The following RIOK2 variants were observed in gnomAD, a reference collection of about 807,000 sequenced individuals.
RIOK2 encodes the protein serine/threonine-protein kinase RIO2.
In RIOK2, 46 loss-of-function variants were observed where a neutral mutation model predicts 62.4. The observed-to-expected ratio is 0.74, with a 90% CI of 0.58 to 0.94. RIOK2 has a LOEUF of 0.94. RIOK2 is among the 40% of genes least tolerant of loss of function. The probability of loss-of-function intolerance (pLI) is 0.00; values close to 1 mark genes in which losing one functional copy is unlikely to be tolerated. For synonymous variants in RIOK2, 197 were observed against 216.0 expected (o/e 0.91, Z 0.77); for missense variants, 574 against 658.0 (o/e 0.87, Z 1.40).
At chr5:97,173,646 T>C (rs1045059278) in intron 4 of RIOK2, among the ~76,000 whole-genome samples, 1 of 152,208 alleles carries the variant, frequency 6.6e-6, no homozygotes, top group Non-Finnish European at 1.5e-5. Flanking sequence ...CTGACATTTG[T>C]TGAAATGTGC....
intron 4 of RIOK2, among the ~76,000 whole-genome samples, chr5:97,174,040 A>G (rs1321271642): frequency 1.3e-5 from 2 of 152,228 alleles, no homozygotes; most frequent in Non-Finnish European, 2.9e-5. Context: ...TTACTCCACA[A>G]GTGTTCTAGC....
chr5:97,181,016 G>C (rs1654928252), intron 1 of RIOK2, among the ~76,000 whole-genome samples: 1 of 152,116 alleles, frequency 6.6e-6, no homozygotes, highest in Non-Finnish European at 1.5e-5. Context: ...GCTCACACCT[G>C]TAATCCCAGC....
At chr5:97,177,004 A>G (rs2112841631) in intron 4 of RIOK2, 112 bp downstream of exon 4, 2 of 866,104 alleles carry the variant, frequency 2.3e-6, no homozygotes, top group Non-Finnish European at 3.7e-6. Flanking sequence ...GTAGGAATTG[A>G]GTCTAAGGTT....
chr5:97,178,957 T>C (rs1341022905), intron 2 of RIOK2, 98 bp downstream of exon 2: 5 of 1,378,304 alleles, frequency 3.6e-6, no homozygotes, highest in Non-Finnish European at 4.1e-6. Flanking sequence ...TCTAATGCTT[T>C]ACTAGTCTGG....
chr5:97,176,798 T>C (rs1252026530), intron 4 of RIOK2, among the ~76,000 whole-genome samples: 1 of 152,242 alleles, frequency 6.6e-6, no homozygotes, highest in Non-Finnish European at 1.5e-5. Flanking sequence ...ATATATTGAA[T>C]AGATATATAT....
At chr5:97,172,891 A>G (rs1749056405) in intron 5 of RIOK2, among the ~76,000 whole-genome samples, 1 of 152,184 alleles carries the variant, frequency 6.6e-6, no homozygotes, top group Non-Finnish European at 1.5e-5. Context: ...ATCAGAATGT[A>G]AATTCCATGA....
Position 97,166,215 on chromosome 5 carries a change from TCTC to T in RIOK2, c.1398-1071_1398-1069del, listed in dbSNP as rs1748837609. 8.1e-5 allele frequency: 35 copies of T among 430,728 alleles called. 1 individual carries two copies. The highest frequency in any genetic ancestry group is 5.7e-4 in the South Asian group (34 of 59,582). 26.7% of individuals were successfully genotyped at this position (430,728 alleles called of 1,614,324 possible). On this transcript the variant is annotated intron_variant, in intron 8 of 9. Coordinates refer to ENST00000283109, the MANE Select transcript of RIOK2 (RefSeq NM_018343.3). Reference sequence around the variant, plus strand: ...CCATGGGCTAATTCCTTAAAATAAATCTCCTATTTATTCTGTTTCTTTGAAGAA... The same window carrying T: ...CCATGGGCTAATTCCTTAAAATAAATCTATTTATTCTGTTTCTTTGAAGAA...
At chr5:97,164,319 G>A (rs1748784078) in intron 9 of RIOK2, among the ~76,000 whole-genome samples, 1 of 151,988 alleles carries the variant, frequency 6.6e-6, no homozygotes, top group African/African-American at 2.4e-5. Flanking sequence ...TGGCCAACAT[G>A]GTGAAACCTT....
chr5:97,168,985 GA>G, intron 6 of RIOK2, 133 bp from the exon 7 acceptor site: 1 of 507,118 alleles, frequency 2.0e-6, no homozygotes, highest in Non-Finnish European at 3.5e-6. Flanking sequence ...TTACACAAAA[GA>G]AAAAAGATAC....
In RIOK2 at chr5:97,163,136, T is replaced by C. The variant is rs199988441; in HGVS notation, c.1584A>G (p.Ile528Met). The C allele has an allele frequency of 2.6e-5, 42 of 1,613,622 alleles. 1 individual carries two copies. The East Asian group carries it at 6.3e-4, about 24-fold the overall frequency. Reference protein sequence around the residue: ...RRRLQKGEANIFTKQRRENMQ... With the variant: ...RRRLQKGEANMFTKQRRENMQ... Reference sequence around the variant, plus strand: ...TGTTTTCCCTACGTTGCTTGGTAAATATATTTGCTTCTCCTTTCTGCAATC... The same window carrying C: ...TGTTTTCCCTACGTTGCTTGGTAAACATATTTGCTTCTCCTTTCTGCAATC... The change falls in exon 10 of 10, where the codon ATA becomes ATG. Residue 528 changes from isoleucine (I) to methionine (M), a missense_variant. Ile to Met is a conservative substitution (Grantham distance 10). Transcript: ENST00000283109.
chr5:97,176,800 G>GAT (rs1305345076), intron 4 of RIOK2, among the ~76,000 whole-genome samples: 3 of 152,156 alleles, frequency 2.0e-5, no homozygotes, highest in African/African-American at 7.2e-5. Context: ...ATATTGAATA[G>GAT]ATATATATAC....
At chr5:97,164,409 G>A (rs1377958617) in intron 9 of RIOK2, among the ~76,000 whole-genome samples, 1 of 151,926 alleles carries the variant, frequency 6.6e-6, no homozygotes, top group Non-Finnish European at 1.5e-5. Context: ...GCTGAGGCAG[G>A]AGAATTGCTT....
Position 97,167,528 on chromosome 5 carries a change from C to T in RIOK2, c.1336G>A (p.Glu446Lys). ...GGVPAGSDEYEDECPHLIALS... is the reference protein window; with the variant it reads ...GGVPAGSDEYKDECPHLIALS... ...GCAATTAGATGAGGGCATTCATCTTCATACTCGTCAGAGCCAGCAGGGACT... is the reference window on the plus strand; with the variant it reads ...GCAATTAGATGAGGGCATTCATCTTTATACTCGTCAGAGCCAGCAGGGACT... The change falls in exon 8 of 10, where the codon GAA becomes AAA. Residue 446 changes from glutamate (E) to lysine (K), a missense_variant. By Grantham distance (56) the Glu-to-Lys change is moderately conservative. Transcript: ENST00000283109. 3.1e-6 allele frequency: 5 copies of T among 1,614,190 alleles called. No individual in the cohort carries two copies. The highest frequency in any genetic ancestry group is 3.4e-6 in the Non-Finnish European group (4 of 1,180,016).
intron 4 of RIOK2, 66 bp from the exon 5 acceptor site, chr5:97,173,329 T>A: frequency 1.0e-6 from 1 of 980,184 alleles, no homozygotes; most frequent in Non-Finnish European, 1.6e-6. Flanking sequence ...ACAATAAAAG[T>A]AAATATACCT....
At chr5:97,168,716 A>T in intron 7 of RIOK2, 44 bp downstream of exon 7, 3 of 1,150,178 alleles carry the variant, frequency 2.6e-6, no homozygotes, top group Non-Finnish European at 3.7e-6. Flanking sequence ...CACAGACCAG[A>T]TATTTAAACT....
At chr5:97,181,508 T>TA (rs1335239375) in intron 1 of RIOK2, among the ~76,000 whole-genome samples, 4 of 152,012 alleles carry the variant, frequency 2.6e-5, no homozygotes, top group Non-Finnish European at 5.9e-5. Flanking sequence ...TGATTATTGA[T>TA]ATAGGAGGAG....
At chr5:97,176,522 A>G (rs1193592444) in intron 4 of RIOK2, among the ~76,000 whole-genome samples, 1 of 152,058 alleles carries the variant, frequency 6.6e-6, no homozygotes, top group Non-Finnish European at 1.5e-5. Flanking sequence ...TTGTATTTTT[A>G]GTAGGGATGG....
Position 97,162,941 on chromosome 5 carries a change from G to A in RIOK2, c.*120C>T. On this transcript the variant is annotated 3_prime_UTR_variant, in exon 10 of 10. Coordinates refer to ENST00000283109, the MANE Select transcript of RIOK2 (RefSeq NM_018343.3). The stretch of plus-strand genomic sequence containing the variant: ...ATACTGAATGACCAAATTTATAGAT[G>A]AAAGAGGGTTTATTTATTAATATAT... The A allele has an allele frequency of 2.4e-6, 2 of 824,232 alleles. No individual in the cohort carries two copies. Among genetic ancestry groups the A allele is most frequent in the Admixed American group, 3.1e-5 (1 of 32,566 alleles). The allele number at this position is 824,232 out of a possible 1,614,324, so 51.1% of individuals were successfully genotyped here.
At chr5:97,180,013 T>TA (rs1749316592) in intron 1 of RIOK2, among the ~76,000 whole-genome samples, 1 of 69,552 alleles carries the variant, frequency 1.4e-5, no homozygotes, top group African/African-American at 5.3e-5. Flanking sequence ...ATTATATATA[T>TA]ATAATATATA....
Sources: allele counts gnomAD v4.1 joint callset (sites outside exome capture counted in the v4.1 genomes callset), GRCh38; gene constraint gnomAD v4.1.1; transcripts MANE v1.5; gene names NCBI Gene and HGNC (gene_info 2026-07-23, HGNC 2026-07-21).